The following OR1J2 variants were observed in gnomAD, a reference collection of about 807,000 sequenced individuals.
OR1J2 encodes the protein olfactory receptor 1J2.
For missense variants in OR1J2, 304 were observed against 246.1 expected, an observed-to-expected ratio of 1.24 and a Z score of -1.57; for synonymous variants, 142 against 99.7, an observed-to-expected ratio of 1.42 and a Z score of -2.52.
At chr9:122,500,185 A>G in the OR1J2 span, among the ~76,000 whole-genome samples, 1 of 152,148 alleles carries the variant, frequency 6.6e-6, no homozygotes, top group African/African-American at 2.4e-5. Flanking sequence ...TGGGTCTGGG[A>G]AAATGTCTGC....
chr9:122,511,411 G>T lies in OR1J2; in HGVS notation c.610G>T (p.Val204Leu), dbSNP rs781097949. 2.6e-6 allele frequency: 2 copies of T among 767,856 alleles called. No homozygotes were observed. Among genetic ancestry groups the T allele is most frequent in the South Asian group, 1.4e-5 (1 of 71,266 alleles). 47.6% of individuals were successfully genotyped at this position (767,856 alleles called of 1,614,324 possible). ...TGAGCTGGTCATGTTCACAGTAGGG[G>T]TGGTGGTCATTACCCTGCCATTCAT... ...LNELVMFTVG[V>L]VVITLPFMCI... Residue 204 changes from valine to leucine, a missense_variant, in exon 1 of 1, where the codon GTG (valine) becomes TTG (leucine). Coordinates refer to ENST00000335302, the MANE Select transcript of OR1J2 (RefSeq NM_054107.1).
chr9:122,457,592 A>G, the OR1J2 span, among the ~76,000 whole-genome samples: 1 of 152,140 alleles, frequency 6.6e-6, no homozygotes, highest in African/African-American at 2.4e-5. Context: ...AAAAATCAAC[A>G]GGAATTGTCC....
the OR1J2 span, among the ~76,000 whole-genome samples, chr9:122,483,885 G>A: frequency 6.6e-6 from 1 of 152,192 alleles, no homozygotes; most frequent in South Asian, 2.1e-4. Flanking sequence ...GTTGAAAAGG[G>A]TGAGGTAGAG....
At chr9:122,456,914 A>G in the OR1J2 span, among the ~76,000 whole-genome samples, 5 of 152,214 alleles carry the variant, frequency 3.3e-5, no homozygotes, top group Non-Finnish European at 5.9e-5. Context: ...ATAAAGATAC[A>G]TGCGTGTGTA....
At chr9:122,523,462 G>A in the OR1J2 span, among the ~76,000 whole-genome samples, 4 of 152,130 alleles carry the variant, frequency 2.6e-5, no homozygotes, top group African/African-American at 9.7e-5. Flanking sequence ...GATTACTCGG[G>A]TAACCAACGT....
the OR1J2 span, among the ~76,000 whole-genome samples, chr9:122,568,868 T>C: frequency 6.6e-6 from 1 of 152,178 alleles, no homozygotes; most frequent in Non-Finnish European, 1.5e-5. Context: ...TAGATCATTA[T>C]ACTACAAAAT....
the OR1J2 span, chr9:122,478,068 A>G: frequency 1.6e-6 from 1 of 622,164 alleles, no homozygotes; most frequent in Non-Finnish European, 2.7e-6. Context: ...TACATTTGCC[A>G]CATATTTTGC....
the OR1J2 span, chr9:122,568,058 G>C: frequency 6.2e-7 from 1 of 1,614,022 alleles, no homozygotes; most frequent in Non-Finnish European, 8.5e-7. Context: ...GGACACAGTG[G>C]TGGTGGCTCA....
At chr9:122,506,735 CAGAG>C (rs1476507837), upstream of OR1J2, among the ~76,000 whole-genome samples, 1 of 151,858 alleles carries the variant, frequency 6.6e-6, no homozygotes, top group Admixed American at 6.6e-5. Flanking sequence ...AAGACACACA[CAGAG>C]AGACAGAGGA....
chr9:122,505,815 T>C (rs942087948), upstream of OR1J2, among the ~76,000 whole-genome samples: 1 of 152,188 alleles, frequency 6.6e-6, no homozygotes, highest in African/African-American at 2.4e-5. Context: ...TTGTTTTTTT[T>C]TTCTATTTGC....
the OR1J2 span, among the ~76,000 whole-genome samples, chr9:122,487,458 AACACACACAC>A: frequency 4.7e-5 from 7 of 148,978 alleles, no homozygotes; most frequent in Non-Finnish European, 7.4e-5. Flanking sequence ...GGAGATGATT[AACACACACAC>A]ACACACACAC....
the OR1J2 span, chr9:122,553,959 G>A: frequency 6.2e-7 from 1 of 1,613,798 alleles, no homozygotes; most frequent in South Asian, 1.1e-5. Context: ...TCATCTCACG[G>A]TGGTTCTGCT....
chr9:122,451,673 C>T, the OR1J2 span, among the ~76,000 whole-genome samples: 5 of 152,088 alleles, frequency 3.3e-5, no homozygotes, highest in African/African-American at 1.2e-4. Flanking sequence ...ATAAAGTAGC[C>T]TACAAATTCT....
chr9:122,485,400 G>T, the OR1J2 span, among the ~76,000 whole-genome samples: 1 of 152,202 alleles, frequency 6.6e-6, no homozygotes, highest in Admixed American at 6.5e-5. Context: ...CATCTTCATA[G>T]ATTGTAGAAA....
At chr9:122,505,261 A>G in the OR1J2 span, among the ~76,000 whole-genome samples, 1 of 152,208 alleles carries the variant, frequency 6.6e-6, no homozygotes, top group Non-Finnish European at 1.5e-5. Context: ...AAGAGGCTGC[A>G]TCTTGTGAGG....
chr9:122,478,406 A>G, the OR1J2 span, among the ~76,000 whole-genome samples: 33 of 152,310 alleles, frequency 2.2e-4, no homozygotes, highest in African/African-American at 7.7e-4. Context: ...GACATTGGAA[A>G]TCTCATTGCC....
chr9:122,459,917 C>T, the OR1J2 span, among the ~76,000 whole-genome samples: 3 of 151,948 alleles, frequency 2.0e-5, no homozygotes, highest in African/African-American at 7.3e-5. Flanking sequence ...CGGGTTTTGC[C>T]ATTAAAAGAC....
chr9:122,564,080 A>C, the OR1J2 span, among the ~76,000 whole-genome samples: 1 of 152,120 alleles, frequency 6.6e-6, no homozygotes, highest in Non-Finnish European at 1.5e-5. Context: ...CATTGGGAAA[A>C]GGGAAATGAT....
the OR1J2 span, among the ~76,000 whole-genome samples, chr9:122,539,194 T>G: frequency 6.6e-6 from 1 of 152,324 alleles, no homozygotes; most frequent in Admixed American, 6.5e-5. Context: ...TGTATACATG[T>G]GTCATGTTGG....
Sources: gnomAD v4.1 joint callset for allele counts (sites outside exome capture counted in the v4.1 genomes callset) on GRCh38, gnomAD v4.1.1 for gene constraint, MANE v1.5 for transcripts, NCBI Gene and HGNC (gene_info 2026-07-23, HGNC 2026-07-21) for gene names.